Variants in KCNQ1OT1 observed in about 807,000 individuals in gnomAD.
KCNQ1OT1 encodes KCNQ1 opposite strand/antisense transcript 1.
Position 2,648,981 on chromosome 11 carries a change from C to CTTTTTTTTTTTTTTT in KCNQ1OT1, n.50999_51013dup. 6.8e-4 allele frequency: 146 copies of CTTTTTTTTTTTTTTT among 213,268 alleles called. 1 individual carries two copies. The highest frequency in any genetic ancestry group is 1.8e-3 in the African/African-American group (41 of 22,516). The allele number at this position is 213,268 out of a possible 1,614,324, so 13.2% of individuals were successfully genotyped here. On this transcript the variant is annotated non_coding_transcript_exon_variant, in exon 1 of 1. Transcript: ENST00000597346. ...CCTCCTTTGTCTCTTTTTTCTTTTT[C>CTTTTTTTTTTTTTTT]TTTTTTTTTTTTTTTTTTTTTTTGA...
Position 2,678,894 on chromosome 11 carries a change from TA to T in KCNQ1OT1, n.21100del. On this transcript the variant is annotated non_coding_transcript_exon_variant, in exon 1 of 1. Transcript: ENST00000597346. This position sits in a 1 kb window ranked among gnomAD's most constrained non-coding sequence, Gnocchi z 4.9. ...CCAGCTGGACCCAAGGACCATTTCG[TA>T]TACATGTATGATCATACTTTCAGGG... 2.5e-6 allele frequency: 1 copy of T among 398,594 alleles called. No individual in the cohort carries two copies. Among genetic ancestry groups the T allele is most frequent in the African/African-American group, 2.1e-5 (1 of 48,728 alleles). The allele number at this position is 398,594 out of a possible 1,614,324, so 24.7% of individuals were successfully genotyped here. A position where few individuals can be genotyped will look rare whatever the true frequency, so the allele number is the denominator to read the frequency against.
At chr11:2,655,340 G>T (rs919510534) in exon 1 of KCNQ1OT1, 4 of 398,628 alleles carry the variant, frequency 1.0e-5, no homozygotes, top group Non-Finnish European at 1.3e-5. Context: ...GGCAGCCAAA[G>T]AATTAAAGCA....
chr11:2,675,528 C>T (rs1850278210), exon 1 of KCNQ1OT1: 2 of 398,528 alleles, frequency 5.0e-6, no homozygotes, highest in African/African-American at 4.1e-5. Flanking sequence ...ACATTTCTTC[C>T]AGAATCACTC....
exon 1 of KCNQ1OT1, chr11:2,699,487 G>GGGAGAGTGCCGCGCTGAGGAGCCCCCA (rs562085347): frequency 3.2e-5 from 13 of 402,800 alleles, no homozygotes; most frequent in Middle Eastern, 1.2e-3. Flanking sequence ...GGAGCCCCCG[G>GGGAGAGTGCCGCGCTGAGGAGCCCCCA]GGAGAGTGCC....
Position 2,670,995 on chromosome 11 carries a change from A to G in KCNQ1OT1, n.29000T>C, listed in dbSNP as rs566817733. On this transcript the variant is annotated non_coding_transcript_exon_variant, in exon 1 of 1. Transcript: ENST00000597346. This position sits in a 1 kb window ranked among gnomAD's most constrained non-coding sequence, Gnocchi z 4.9. Reference sequence around the variant, plus strand: ...CCCTGGCTAGGCATTCATGCTTTAGATATGTGGGCCCTGTTAGGGACAACG... The same window carrying G: ...CCCTGGCTAGGCATTCATGCTTTAGGTATGTGGGCCCTGTTAGGGACAACG... 2 of 398,526 alleles carry G rather than the reference A, an allele frequency of 5.0e-6. No homozygotes were observed. Among genetic ancestry groups the G allele is most frequent in the South Asian group, 1.3e-4 (1 of 7,852 alleles). 24.7% of individuals were successfully genotyped at this position (398,526 alleles called of 1,614,324 possible).
In KCNQ1OT1 at chr11:2,664,063, G is replaced by A. The variant is rs1258653558; in HGVS notation, n.35932C>T. 1 of 398,690 alleles carries A rather than the reference G, an allele frequency of 2.5e-6. No homozygotes were observed. The highest frequency in any genetic ancestry group is 2.1e-5 in the African/African-American group (1 of 48,656). The allele number at this position is 398,690 out of a possible 1,614,324, so 24.7% of individuals were successfully genotyped here. A position where few individuals can be genotyped will look rare whatever the true frequency, so the allele number is the denominator to read the frequency against. On this transcript the variant is annotated non_coding_transcript_exon_variant, in exon 1 of 1. Transcript: ENST00000597346. The surrounding 1 kb of genome is among the most constrained non-coding windows in gnomAD (Gnocchi z 5.1). Reference sequence around the variant, plus strand: ...CAGGTTGGCACTCCCATGGCCTCCAGTGATAAGTGGGCCCAGGCAGGTCAG... The same window carrying A: ...CAGGTTGGCACTCCCATGGCCTCCAATGATAAGTGGGCCCAGGCAGGTCAG...
rs1177121708 is a variant in KCNQ1OT1, at chr11:2,620,492, A to T, written n.79503T>A. On this transcript the variant is annotated non_coding_transcript_exon_variant, in exon 1 of 1. Transcript: ENST00000597346. This position sits in a 1 kb window ranked among gnomAD's most constrained non-coding sequence, Gnocchi z 4.5. ...TGGCCTCCCAAAGTGCTGGGATTAC[A>T]GGTGAGAGCTACCGCACCTGGCCGA... 4 of 360,368 alleles carry T rather than the reference A, an allele frequency of 1.1e-5. No homozygotes were observed. Among genetic ancestry groups the T allele is most frequent in the Non-Finnish European group, 1.5e-5 (3 of 202,968 alleles). 22.3% of individuals were successfully genotyped at this position (360,368 alleles called of 1,614,324 possible). A position where few individuals can be genotyped will look rare whatever the true frequency, so the allele number is the denominator to read the frequency against.
Position 2,677,053 on chromosome 11 carries a change from A to G in KCNQ1OT1, n.22942T>C, listed in dbSNP as rs1488359977. Reference sequence around the variant, plus strand: ...GTTGATGGATATGTAGGGCAGCTAAAAAACAGCAGCCATTAACCATTCAAA... The same window carrying G: ...GTTGATGGATATGTAGGGCAGCTAAGAAACAGCAGCCATTAACCATTCAAA... On this transcript the variant is annotated non_coding_transcript_exon_variant, in exon 1 of 1. Coordinates refer to ENST00000597346, the Ensembl canonical transcript of KCNQ1OT1. This position sits in a 1 kb window ranked among gnomAD's most constrained non-coding sequence, Gnocchi z 4.5. 5.0e-6 allele frequency: 2 copies of G among 398,646 alleles called. No homozygotes were observed. The highest frequency in any genetic ancestry group is 7.1e-5 in the East Asian group (2 of 28,086). 24.7% of individuals were successfully genotyped at this position (398,646 alleles called of 1,614,324 possible).
At chr11:2,675,934 A>C in exon 1 of KCNQ1OT1, 1 of 398,704 alleles carries the variant, frequency 2.5e-6, no homozygotes, top group Non-Finnish European at 4.4e-6. Flanking sequence ...GTCTTTACAC[A>C]CATGGTAAAA....
chr11:2,622,919 G>A (rs953085042), exon 1 of KCNQ1OT1: 1 of 398,512 alleles, frequency 2.5e-6, no homozygotes, highest in African/African-American at 2.1e-5. Context: ...AGGGCTCACT[G>A]TTGGGGTGTA....
Position 2,612,710 on chromosome 11 carries a change from C to T in KCNQ1OT1, n.87285G>A, listed in dbSNP as rs149799939. The T allele has an allele frequency of 1.5e-5, 6 of 398,494 alleles. No individual in the cohort carries two copies. The highest frequency in any genetic ancestry group is 1.4e-4 in the East Asian group (4 of 28,062). The allele number at this position is 398,494 out of a possible 1,614,324, so 24.7% of individuals were successfully genotyped here. ...ATAGTTATAATACTTACTTTGAAAT[C>T]GCGCCCTAACATTTGGGGCCCTTCA... On this transcript the variant is annotated non_coding_transcript_exon_variant, in exon 1 of 1. Transcript: ENST00000597346. The surrounding 1 kb of genome is among the most constrained non-coding windows in gnomAD (Gnocchi z 5.5).
Position 2,674,696 on chromosome 11 carries a change from T to C in KCNQ1OT1, n.25299A>G, listed in dbSNP as rs766318466. 8 of 398,390 alleles carry C rather than the reference T, an allele frequency of 2.0e-5. No individual in the cohort carries two copies. The highest frequency in any genetic ancestry group is 3.1e-5 in the Non-Finnish European group (7 of 226,066). The allele number at this position is 398,390 out of a possible 1,614,324, so 24.7% of individuals were successfully genotyped here. Reference sequence around the variant, plus strand: ...TGAAAAGTTTGTTGAACCTTAAACCTTTCCTGATGACTCCTTCCTTCTGAA... The same window carrying C: ...TGAAAAGTTTGTTGAACCTTAAACCCTTCCTGATGACTCCTTCCTTCTGAA... On this transcript the variant is annotated non_coding_transcript_exon_variant, in exon 1 of 1. Coordinates refer to ENST00000597346, the Ensembl canonical transcript of KCNQ1OT1. The surrounding 1 kb of genome is among the most constrained non-coding windows in gnomAD (Gnocchi z 5.9).
rs922224609 is a variant in KCNQ1OT1, at chr11:2,686,130, G to A, written n.13865C>T. 48 of 398,638 alleles carry A rather than the reference G, an allele frequency of 1.2e-4. No individual in the cohort carries two copies. The Admixed American group carries it at 1.2e-3, about 10-fold the overall frequency. The allele number at this position is 398,638 out of a possible 1,614,324, so 24.7% of individuals were successfully genotyped here. On this transcript the variant is annotated non_coding_transcript_exon_variant, in exon 1 of 1. Transcript: ENST00000597346. ...AAAGTGTAGGCCTTTGCCCTGTCTC[G>A]CCCCCTTGCTTCTGGGGTTTGCTTC...
chr11:2,644,995 G>A (rs1032425945), exon 1 of KCNQ1OT1: 27 of 398,714 alleles, frequency 6.8e-5, no homozygotes, highest in South Asian at 1.3e-4. Context: ...GCTGGTACCA[G>A]TGTTAGCAAG....
exon 1 of KCNQ1OT1, chr11:2,640,122 A>G (rs1428374383): frequency 6.5e-6 from 2 of 310,020 alleles, no homozygotes; most frequent in Admixed American, 5.0e-5. Context: ...TCCGTTGGCT[A>G]GGAAAGGGAA....
chr11:2,656,483 C>T, exon 1 of KCNQ1OT1: 1 of 398,694 alleles, frequency 2.5e-6, no homozygotes, highest in Non-Finnish European at 4.4e-6. Context: ...TGCCACTCGC[C>T]CCCACGGGCC....
chr11:2,653,935 C>A lies in KCNQ1OT1; in HGVS notation n.46060G>T. On this transcript the variant is annotated non_coding_transcript_exon_variant, in exon 1 of 1. Transcript: ENST00000597346. The surrounding 1 kb of genome is among the most constrained non-coding windows in gnomAD (Gnocchi z 5.3). ...TGTTCCCAGAAGCCAGGCCTGGCTGCTGGCAGGCAAAAACAACAGGTGTCC... is the reference window on the plus strand; with the variant it reads ...TGTTCCCAGAAGCCAGGCCTGGCTGATGGCAGGCAAAAACAACAGGTGTCC... The A allele has an allele frequency of 2.5e-6, 1 of 398,740 alleles. No homozygotes were observed. The highest frequency in any genetic ancestry group is 4.4e-6 in the Non-Finnish European group (1 of 226,136). 24.7% of individuals were successfully genotyped at this position (398,740 alleles called of 1,614,324 possible). A position where few individuals can be genotyped will look rare whatever the true frequency, so the allele number is the denominator to read the frequency against.
Position 2,695,184 on chromosome 11 carries a change from A to C in KCNQ1OT1, n.4811T>G, listed in dbSNP as rs989218289. 2.5e-6 allele frequency: 1 copy of C among 398,658 alleles called. No individual in the cohort carries two copies. The allele number at this position is 398,658 out of a possible 1,614,324, so 24.7% of individuals were successfully genotyped here. A position where few individuals can be genotyped will look rare whatever the true frequency, so the allele number is the denominator to read the frequency against. On this transcript the variant is annotated non_coding_transcript_exon_variant, in exon 1 of 1. Coordinates refer to ENST00000597346, the Ensembl canonical transcript of KCNQ1OT1. This position sits in a 1 kb window ranked among gnomAD's most constrained non-coding sequence, Gnocchi z 5.2. ...CTGCACAGAGTTGATCACAGCCCTC[A>C]GCCTATGAAACACTGTCACCCTGTA... is the stretch of plus-strand genomic sequence containing the variant.
At chr11:2,640,906 A>G (rs550088756) in exon 1 of KCNQ1OT1, 1 of 399,450 alleles carries the variant, frequency 2.5e-6, no homozygotes, top group South Asian at 1.3e-4. Flanking sequence ...TAGCTCCCAC[A>G]TATGATAATA....
Sources: allele counts gnomAD v4.1 joint callset, GRCh38; gene constraint gnomAD v4.1.1; non-coding constraint Gnocchi (gnomAD v3.1); transcripts MANE v1.5; gene names NCBI Gene and HGNC (gene_info 2026-07-23, HGNC 2026-07-21).